The following ROBO2 variants were observed in gnomAD, a reference collection of about 807,000 sequenced individuals.
The protein encoded by ROBO2 is roundabout homolog 2.
A neutral mutation model predicts 160.8 loss-of-function variants in ROBO2; 53 were observed. The ratio of observed to expected loss-of-function variants is 0.33; its 90% CI spans 0.26 to 0.41. ROBO2 has a LOEUF of 0.41. Ranked by LOEUF, ROBO2 falls within the 10% of genes least tolerant of loss-of-function variation. The pLI is 1.00. For missense variants in ROBO2, 1,577 were observed against 1,722.4 expected (o/e 0.92, Z 1.49); for synonymous variants, 664 against 611.7 (o/e 1.09, Z -1.26).
intron 1 of ROBO2, among the ~76,000 whole-genome samples, chr3:77,072,581 G>T (rs980613217): frequency 2.0e-5 from 3 of 152,074 alleles, no homozygotes; most frequent in Non-Finnish European, 2.9e-5. Context: ...CTTAAAGAAG[G>T]CTTTCTCCTA....
chr3:75,974,246 A>G (rs539265919), intron 2 of ROBO2, among the ~76,000 whole-genome samples: 2 of 151,826 alleles, frequency 1.3e-5, no homozygotes, highest in African/African-American at 4.8e-5. Flanking sequence ...AGGTTCAGGC[A>G]TTTGGTAGAT....
Position 76,341,515 on chromosome 3 carries a change from A to G in ROBO2, c.109+403913A>G, listed in dbSNP as rs1449121155. ...TTACTATCTCTTTACAAAAAAAAAA[A>G]AAAGATGTGTTGATATTTTCCCTTG... is the stretch of plus-strand genomic sequence containing the variant. On this transcript the variant is annotated intron_variant, in intron 2 of 26. Transcript: ENST00000487694. 1.7e-3 allele frequency among the ~76,000 whole-genome samples: 261 copies of G among 152,112 alleles called. 5 individuals are homozygous for G. Among genetic ancestry groups the G allele is most frequent in the Non-Finnish European group, 2.9e-4 (20 of 67,972 alleles).
intron 2 of ROBO2, among the ~76,000 whole-genome samples, chr3:76,440,467 AG>A (rs1452188138): frequency 1.3e-5 from 2 of 151,798 alleles, no homozygotes; most frequent in Non-Finnish European, 2.9e-5. Flanking sequence ...TTTACTTGAA[AG>A]GGGAGTCTAG....
At chr3:77,042,625 T>G (rs973365086) in intron 1 of ROBO2, among the ~76,000 whole-genome samples, 2 of 152,174 alleles carry the variant, frequency 1.3e-5, no homozygotes, top group African/African-American at 2.4e-5. Context: ...ATGAAACAAA[T>G]GCAATTAACC....
chr3:76,343,425 G>C (rs545719545), intron 2 of ROBO2, among the ~76,000 whole-genome samples: 116 of 152,084 alleles, frequency 7.6e-4, no homozygotes, highest in African/African-American at 2.6e-3. Context: ...GTGTCTATCT[G>C]CATAAGGTGA....
chr3:76,871,607 C>A (rs1166977), intron 2 of ROBO2, among the ~76,000 whole-genome samples: 20,998 of 151,226 alleles, frequency 0.14, 1,602 homozygotes, highest in South Asian at 0.16. Flanking sequence ...AACTTCCAAT[C>A]AACCATTGAG....
intron 2 of ROBO2, among the ~76,000 whole-genome samples, chr3:76,366,233 G>C (rs1215672320): frequency 6.6e-6 from 1 of 151,920 alleles, no homozygotes; most frequent in Non-Finnish European, 1.5e-5. Flanking sequence ...ATTTAAGGTG[G>C]AATACTCCTC....
exon 26 of ROBO2, chr3:77,647,106 C>T (rs1238275936): frequency 3.3e-5 from 5 of 152,558 alleles, no homozygotes; most frequent in African/African-American, 9.7e-5. Context: ...AGGGCATACT[C>T]GGGCTGTTTC....
chr3:75,969,351 C>T (rs1322717621), intron 2 of ROBO2, among the ~76,000 whole-genome samples: 2 of 150,604 alleles, frequency 1.3e-5, no homozygotes, highest in Non-Finnish European at 3.0e-5. Context: ...TGGAGTCATA[C>T]ACTAGCTCTA....
At chr3:77,185,690 A>G (rs1281295008) in intron 2 of ROBO2, among the ~76,000 whole-genome samples, 2 of 151,928 alleles carry the variant, frequency 1.3e-5, no homozygotes, top group African/African-American at 2.4e-5. Flanking sequence ...AAGTGATTAT[A>G]TGAAAAAGAT....
At chr3:77,305,558 A>G (rs1327110964) in intron 2 of ROBO2, among the ~76,000 whole-genome samples, 1 of 152,204 alleles carries the variant, frequency 6.6e-6, no homozygotes, top group Non-Finnish European at 1.5e-5. Flanking sequence ...TGAGACTCTG[A>G]AGCATTAAAT....
intron 5 of ROBO2, among the ~76,000 whole-genome samples, chr3:77,513,737 T>C (rs1256221657): frequency 6.6e-6 from 1 of 151,766 alleles, no homozygotes; most frequent in Non-Finnish European, 1.5e-5. Flanking sequence ...AAAAAAACCC[T>C]GCAAAAACAC....
intron 2 of ROBO2, among the ~76,000 whole-genome samples, chr3:76,471,067 T>C (rs745902522): frequency 5.3e-5 from 8 of 152,186 alleles, no homozygotes; most frequent in Non-Finnish European, 1.2e-4. Context: ...GTAGAAGCTG[T>C]CATTCTTTAT....
chr3:76,555,358 GAGAAGAAGAAGAAGA>G (rs58339602), intron 2 of ROBO2, among the ~76,000 whole-genome samples: 159 of 57,962 alleles, frequency 2.7e-3, no homozygotes, highest in African/African-American at 5.1e-3. Context: ...AGTAGGAAGA[GAGAAGAAGAAGAAGA>G]AGAAGAAGAA....
intron 2 of ROBO2, among the ~76,000 whole-genome samples, chr3:77,014,172 T>A (rs2062086491): frequency 6.6e-6 from 1 of 152,146 alleles, no homozygotes; most frequent in African/African-American, 2.4e-5. Context: ...TTAGAGCGTA[T>A]AAACATATAG....
At chr3:75,975,225 AG>A (rs2065105538) in intron 2 of ROBO2, among the ~76,000 whole-genome samples, 2 of 151,472 alleles carry the variant, frequency 1.3e-5, no homozygotes, top group African/African-American at 4.8e-5. Flanking sequence ...TGGGTAAATA[AG>A]GTCTGCCACA....
intron 2 of ROBO2, among the ~76,000 whole-genome samples, chr3:77,476,368 A>ATGTGTGTGTGTGTGTG (rs60219148): frequency 1.7e-4 from 25 of 144,114 alleles, no homozygotes; most frequent in African/African-American, 5.7e-4. Flanking sequence ...GTCTGTGGGT[A>ATGTGTGTGTGTGTGTG]TGTGTGTGTG....
intron 2 of ROBO2, among the ~76,000 whole-genome samples, chr3:76,029,383 T>C (rs549171038): frequency 6.6e-6 from 1 of 152,270 alleles, no homozygotes; most frequent in South Asian, 2.1e-4. Context: ...ATTATTATTA[T>C]ACTTTAAGTT....
chr3:77,313,556 T>C (rs2063721285), intron 2 of ROBO2, among the ~76,000 whole-genome samples: 2 of 151,778 alleles, frequency 1.3e-5, no homozygotes, highest in Non-Finnish European at 2.9e-5. Context: ...TAGATCAGTA[T>C]TTTTTTTGTT....
Sources: allele counts gnomAD v4.1 joint callset (sites outside exome capture counted in the v4.1 genomes callset), GRCh38; gene constraint gnomAD v4.1.1; transcripts MANE v1.5; gene names NCBI Gene and HGNC (gene_info 2026-07-23, HGNC 2026-07-21).